Variants in KDM5A observed in about 807,000 individuals in gnomAD.
The protein encoded by KDM5A is lysine demethylase 5A, also known as lysine-specific demethylase 5A.
Under a neutral mutation model 193.5 loss-of-function variants are expected in KDM5A, and 42 were observed. The observed-to-expected ratio is 0.22, with a 90% CI of 0.17 to 0.28. KDM5A has a LOEUF of 0.28. KDM5A is among the 10% of genes least tolerant of loss of function. KDM5A has a pLI of 1.00. For missense variants in KDM5A, 1,692 were observed against 2,055.1 expected (o/e 0.82, Z 3.42); for synonymous variants, 796 against 718.1 (o/e 1.11, Z -1.73).
At chr12:289,518 C>A (rs757309526) in intron 27 of KDM5A, among the ~76,000 whole-genome samples, 1 of 151,850 alleles carries the variant, frequency 6.6e-6, no homozygotes, top group South Asian at 2.1e-4. Flanking sequence ...ATTTAACTAG[C>A]CTCATTTAAT....
intron 10 of KDM5A, among the ~76,000 whole-genome samples, chr12:348,004 AATCT>A (rs1436937763): frequency 1.3e-5 from 2 of 152,226 alleles, no homozygotes; most frequent in Non-Finnish European, 2.9e-5. Context: ...AAATTTTTGC[AATCT>A]ATCCATCTGA....
chr12:357,827 C>CCAAAAAA (rs1944245656), intron 5 of KDM5A, among the ~76,000 whole-genome samples: 1 of 29,852 alleles, frequency 3.3e-5, no homozygotes, highest in Non-Finnish European at 5.1e-5. Flanking sequence ...GACTCAGTCT[C>CCAAAAAA]AAAAAAAAAA....
At chr12:349,974 C>T (rs1944133451) in intron 10 of KDM5A, among the ~76,000 whole-genome samples, 1 of 151,326 alleles carries the variant, frequency 6.6e-6, no homozygotes, top group African/African-American at 2.4e-5. Context: ...ACTAAAAATA[C>T]AAAATTAGCT....
At position 333,514 on chromosome 12, in the gene KDM5A, G is replaced by A; in HGVS notation, c.1626C>T (p.Pro542=). The A allele has an allele frequency of 6.2e-7, 1 of 1,614,182 alleles. No individual in the cohort carries two copies. Among genetic ancestry groups the A allele is most frequent in the South Asian group, 1.1e-5 (1 of 91,076 alleles). Residue 542 remains proline (P), a synonymous_variant, in exon 12 of 28, where the codon CCC becomes CCT. Coordinates refer to ENST00000399788, the MANE Select transcript of KDM5A (RefSeq NM_001042603.3). ...GCACACCATGCTCCATTAGCACGTT[G>A]GGGTTCATGATGGTAACTAACTGAT... ...LLHQLVTIMN[P]NVLMEHGVPV... is the part of the protein sequence containing the mutation.
In KDM5A at chr12:363,684, T is replaced by C. The variant is rs77054594; in HGVS notation, c.538-587A>G. On this transcript the variant is annotated intron_variant, in intron 4 of 27. Coordinates refer to ENST00000399788, the MANE Select transcript of KDM5A (RefSeq NM_001042603.3). Reference sequence around the variant, plus strand: ...AGCCGAAATTGTAAAATTTCTACATTAAAGCAAAGAAGAAAATCTTTGTGA... The same window carrying C: ...AGCCGAAATTGTAAAATTTCTACATCAAAGCAAAGAAGAAAATCTTTGTGA... Among the ~76,000 whole-genome samples, 725 of 152,196 alleles carry C rather than the reference T, an allele frequency of 4.8e-3. 3 individuals are homozygous for C. The highest frequency in any genetic ancestry group is 7.4e-3 in the Non-Finnish European group (503 of 68,006).
chr12:353,150 C>G (rs1944184332), intron 8 of KDM5A, among the ~76,000 whole-genome samples: 4 of 151,968 alleles, frequency 2.6e-5, no homozygotes, highest in African/African-American at 9.7e-5. Context: ...TTTAGACCAG[C>G]CTGGCCAACA....
At chr12:362,888 T>G in intron 5 of KDM5A, 75 bp downstream of exon 5, 3 of 1,427,814 alleles carry the variant, frequency 2.1e-6, no homozygotes, top group Non-Finnish European at 3.0e-6. Flanking sequence ...AGCCAAGGAG[T>G]TCAAGGCTAG....
intron 19 of KDM5A, among the ~76,000 whole-genome samples, chr12:317,484 T>C (rs1943663255): frequency 1.3e-5 from 2 of 152,222 alleles, no homozygotes; most frequent in African/African-American, 2.4e-5. Context: ...TTCCTAACTA[T>C]AGTATCACTA....
At chr12:364,826 T>G (rs1944336248) in intron 4 of KDM5A, among the ~76,000 whole-genome samples, 1 of 150,266 alleles carries the variant, frequency 6.7e-6, no homozygotes, top group African/African-American at 2.5e-5. Flanking sequence ...ATAAACTTAC[T>G]ATATAACCCA....
intron 13 of KDM5A, chr12:329,256 T>C: frequency 1.8e-6 from 1 of 565,458 alleles, no homozygotes; most frequent in Non-Finnish European, 3.1e-6. Context: ...AGATGCTAAA[T>C]TTCTGGCCTA....
Position 307,493 on chromosome 12 carries a change from A to G in KDM5A, c.3891T>C (p.Ser1297=). ...AAREKTEKII[S]AELQKAAANP... Reference sequence around the variant, plus strand: ...TGGCAGCTGCTTTTTGGAGTTCTGCACTGATGATCTTTTCAGTTTTTTCTC... The same window carrying G: ...TGGCAGCTGCTTTTTGGAGTTCTGCGCTGATGATCTTTTCAGTTTTTTCTC... The change falls in exon 23 of 28, where the codon AGT becomes AGC. Residue 1297 remains serine (S), a synonymous_variant. Transcript: ENST00000399788. The surrounding 1 kb of genome is among the most constrained non-coding windows in gnomAD (Gnocchi z 4.3). 6.2e-7 allele frequency: 1 copy of G among 1,613,616 alleles called. No individual in the cohort carries two copies. The highest frequency in any genetic ancestry group is 1.7e-5 in the Admixed American group (1 of 60,022).
rs755578032 is a variant in KDM5A, at chr12:283,587, C to A, written c.*1869G>T. 8.6e-6 allele frequency: 2 copies of A among 232,948 alleles called. No homozygotes were observed. The highest frequency in any genetic ancestry group is 1.7e-5 in the Non-Finnish European group (2 of 117,736). The allele number at this position is 232,948 out of a possible 1,614,324, so 14.4% of individuals were successfully genotyped here. Reference sequence around the variant, plus strand: ...GATTCCTTTTGAGTTAAATCTCATACCCACTCAAACTGTAACTGGACAGTA... The same window carrying A: ...GATTCCTTTTGAGTTAAATCTCATAACCACTCAAACTGTAACTGGACAGTA... On this transcript the variant is annotated 3_prime_UTR_variant, in exon 28 of 28. Coordinates refer to ENST00000399788, the MANE Select transcript of KDM5A (RefSeq NM_001042603.3).
intron 3 of KDM5A, among the ~76,000 whole-genome samples, chr12:372,238 A>G (rs977848556): frequency 2.0e-5 from 3 of 152,198 alleles, no homozygotes; most frequent in African/African-American, 7.2e-5. Context: ...TGAGCATGGA[A>G]TATTCTTCCA....
chr12:368,510 C>T (rs1944385262), intron 3 of KDM5A, among the ~76,000 whole-genome samples: 1 of 152,032 alleles, frequency 6.6e-6, no homozygotes, highest in South Asian at 2.1e-4. Flanking sequence ...GCAGGCGGAT[C>T]ACCTGAGGTC....
intron 3 of KDM5A, among the ~76,000 whole-genome samples, chr12:374,356 G>A (rs779001444): frequency 1.3e-5 from 2 of 152,072 alleles, no homozygotes; most frequent in Admixed American, 6.6e-5. Flanking sequence ...TCTGATCTTT[G>A]TTGGTTTAAA....
intron 10 of KDM5A, among the ~76,000 whole-genome samples, chr12:349,225 G>T (rs551718832): frequency 6.6e-6 from 1 of 151,744 alleles, no homozygotes; most frequent in Non-Finnish European, 1.5e-5. Context: ...TCACCATGTT[G>T]GTCAGGCTGG....
intron 3 of KDM5A, among the ~76,000 whole-genome samples, chr12:381,119 C>T (rs1326935895): frequency 6.6e-6 from 1 of 152,088 alleles, no homozygotes; most frequent in Non-Finnish European, 1.5e-5. Context: ...CTCGGCCTCC[C>T]AAGTAGCTGA....
intron 24 of KDM5A, among the ~76,000 whole-genome samples, chr12:301,164 C>T (rs537572900): frequency 6.6e-6 from 1 of 152,302 alleles, no homozygotes; most frequent in African/African-American, 2.4e-5. Context: ...GGGAATCCTC[C>T]CTAACTCATT....
At chr12:385,556 T>C (rs1272079730) in intron 2 of KDM5A, among the ~76,000 whole-genome samples, 1 of 152,104 alleles carries the variant, frequency 6.6e-6, no homozygotes, top group African/African-American at 2.4e-5. Flanking sequence ...GGTTTTAAAA[T>C]AGGATTTAAA....
Sources: gnomAD v4.1 joint callset for allele counts (sites outside exome capture counted in the v4.1 genomes callset) on GRCh38, gnomAD v4.1.1 for gene constraint, Gnocchi (gnomAD v3.1) non-coding constraint, MANE v1.5 for transcripts, NCBI Gene and HGNC (gene_info 2026-07-23, HGNC 2026-07-21) for gene names.